Variants in LRRC4B observed in about 807,000 individuals in gnomAD.
LRRC4B encodes the protein leucine rich repeat containing 4B, also known as leucine-rich repeat-containing protein 4B.
LRRC4B carries 1 observed loss-of-function variant against 7.3 expected under a neutral mutation model. The ratio of observed to expected loss-of-function variants is 0.14; its 90% confidence interval spans 0.05 to 0.65. The LOEUF is 0.65. Among genes scored for constraint, LRRC4B ranks in the 30% least tolerant of loss-of-function variants. LRRC4B has a pLI of 0.84. For synonymous variants in LRRC4B, 500 were observed against 499.2 expected, an observed-to-expected ratio of 1.00 and a Z score of -0.02; for missense variants, 730 against 1,041.6, an observed-to-expected ratio of 0.70 and a Z score of 4.12.
intron 2 of LRRC4B, among the ~76,000 whole-genome samples, chr19:50,545,663 G>A (rs1395687770): frequency 6.6e-6 from 1 of 151,508 alleles, no homozygotes; most frequent in East Asian, 1.9e-4. Flanking sequence ...ATTTATATCT[G>A]GTGATGGAAC....
intron 2 of LRRC4B, among the ~76,000 whole-genome samples, chr19:50,545,555 T>C (rs1035970908): frequency 6.6e-6 from 1 of 151,870 alleles, no homozygotes; most frequent in Non-Finnish European, 1.5e-5. Flanking sequence ...CACTCCAGCC[T>C]GAATGACAGA....
Position 50,519,209 on chromosome 19 carries a change from G to A in LRRC4B, c.504C>T (p.Asn168=). ...SKLRELWLRN[N]PIESIPSYAF... is the part of the protein sequence containing the mutation. ...CGTAGGAGGGGATGCTCTCGATGGG[G>A]TTGTTCCGCAGCCAGAGCTCCCGCA... Residue 168 remains asparagine (N), a synonymous_variant, in exon 3 of 3, where the codon AAC becomes AAT. Transcript: ENST00000652263. The surrounding 1 kb of genome is among the most constrained non-coding windows in gnomAD (Gnocchi z 8.1). 1 of 1,614,098 alleles carries A rather than the reference G, an allele frequency of 6.2e-7. No individual in the cohort carries two copies. Among genetic ancestry groups the A allele is most frequent in the Non-Finnish European group, 8.5e-7 (1 of 1,180,038 alleles).
intron 2 of LRRC4B, among the ~76,000 whole-genome samples, chr19:50,530,480 C>T (rs1981007108): frequency 6.6e-6 from 1 of 152,214 alleles, no homozygotes; most frequent in South Asian, 2.1e-4. Flanking sequence ...CGGGAAAGCT[C>T]CTGCTCACCC....
At chr19:50,539,063 AG>A (rs1981429358) in intron 2 of LRRC4B, among the ~76,000 whole-genome samples, 2 of 151,312 alleles carry the variant, frequency 1.3e-5, no homozygotes, top group South Asian at 2.1e-4. Flanking sequence ...TATTTTTAGT[AG>A]AGACAGGGTT....
chr19:50,558,885 T>G (rs8101005), intron 1 of LRRC4B, among the ~76,000 whole-genome samples: 1 of 152,006 alleles, frequency 6.6e-6, no homozygotes, highest in Non-Finnish European at 1.5e-5. Context: ...AGATCACAGC[T>G]GGAGAAATGG....
chr19:50,522,439 C>T (rs1980619442), intron 2 of LRRC4B, among the ~76,000 whole-genome samples: 1 of 149,050 alleles, frequency 6.7e-6, no homozygotes, highest in Non-Finnish European at 1.5e-5. Context: ...GATCAGAACT[C>T]ATGTGAAGCT....
chr19:50,538,059 T>C (rs986362212), intron 2 of LRRC4B, among the ~76,000 whole-genome samples: 2 of 152,214 alleles, frequency 1.3e-5, no homozygotes, highest in Non-Finnish European at 2.9e-5. Flanking sequence ...TCTTTCTTTC[T>C]TTCTTTTTTG....
intron 2 of LRRC4B, among the ~76,000 whole-genome samples, chr19:50,541,847 G>A (rs1981564373): frequency 2.0e-5 from 3 of 152,158 alleles, no homozygotes; most frequent in African/African-American, 7.2e-5. Context: ...CGGTGGGGCA[G>A]CTAGAAGCCT....
At chr19:50,528,624 C>T (rs1033077643) in intron 2 of LRRC4B, among the ~76,000 whole-genome samples, 6 of 152,208 alleles carry the variant, frequency 3.9e-5, no homozygotes, top group African/African-American at 1.4e-4. Flanking sequence ...CGATGACGGG[C>T]GTGAGCCACT....
chr19:50,550,151 C>T (rs956041048), intron 1 of LRRC4B, among the ~76,000 whole-genome samples: 21 of 152,066 alleles, frequency 1.4e-4, no homozygotes, highest in Admixed American at 1.1e-3. Context: ...ATTAGGATGC[C>T]CAATTTACAG....
chr19:50,565,489 C>T (rs957490458), intron 1 of LRRC4B, among the ~76,000 whole-genome samples: 3 of 151,782 alleles, frequency 2.0e-5, no homozygotes, highest in East Asian at 1.9e-4. Flanking sequence ...GGTTCCATAT[C>T]GGGGTCTCTG....
intron 1 of LRRC4B, among the ~76,000 whole-genome samples, chr19:50,550,105 C>T (rs1011438784): frequency 6.6e-6 from 1 of 152,180 alleles, no homozygotes; most frequent in Non-Finnish European, 1.5e-5. Flanking sequence ...TCCCGGTCAT[C>T]TCATGTGAGC....
intron 1 of LRRC4B, among the ~76,000 whole-genome samples, chr19:50,561,105 C>A (rs112938684): frequency 0.02 from 3,050 of 152,082 alleles, 116 homozygotes; most frequent in African/African-American, 0.069. Context: ...AAACAAAAAA[C>A]GGTATTTATT....
intron 1 of LRRC4B, among the ~76,000 whole-genome samples, chr19:50,561,316 G>A (rs937336392): frequency 2.0e-5 from 3 of 152,090 alleles, no homozygotes; most frequent in Non-Finnish European, 2.9e-5. Flanking sequence ...CCCCCACGTC[G>A]GTGAGGGCTG....
At chr19:50,533,482 A>G (rs889706153) in intron 2 of LRRC4B, among the ~76,000 whole-genome samples, 13 of 152,106 alleles carry the variant, frequency 8.5e-5, no homozygotes, top group Non-Finnish European at 1.9e-4. Context: ...ACCAAAGACC[A>G]GTTCATTCTT....
chr19:50,542,619 G>A (rs543719752), intron 2 of LRRC4B, among the ~76,000 whole-genome samples: 5 of 152,146 alleles, frequency 3.3e-5, no homozygotes, highest in African/African-American at 1.2e-4. Context: ...TGGGACTACA[G>A]GCATACGCCA....
chr19:50,522,459 A>ATTATTTATTTAC (rs1980623114), intron 2 of LRRC4B, among the ~76,000 whole-genome samples: 1 of 147,094 alleles, frequency 6.8e-6, no homozygotes, highest in African/African-American at 2.5e-5. Context: ...TATTTTATTT[A>ATTATTTATTTAC]TTATTTATTT....
chr19:50,560,110 C>T (rs887537951), intron 1 of LRRC4B, among the ~76,000 whole-genome samples: 4 of 152,056 alleles, frequency 2.6e-5, no homozygotes, highest in Admixed American at 6.6e-5. Flanking sequence ...ACTCCAGCCT[C>T]GGTGACAGAG....
At chr19:50,545,647 G>A (rs1222821141) in intron 2 of LRRC4B, among the ~76,000 whole-genome samples, 1 of 150,818 alleles carries the variant, frequency 6.6e-6, no homozygotes, top group Non-Finnish European at 1.5e-5. Flanking sequence ...AATGTAAACA[G>A]TAGTTATTTA....
Sources: allele counts gnomAD v4.1 joint callset (sites outside exome capture counted in the v4.1 genomes callset), GRCh38; gene constraint gnomAD v4.1.1; non-coding constraint Gnocchi (gnomAD v3.1); transcripts MANE v1.5; gene names NCBI Gene and HGNC (gene_info 2026-07-23, HGNC 2026-07-21).